The following SPG21 variants were observed in gnomAD, a reference collection of about 807,000 sequenced individuals.
The protein encoded by SPG21 is SPG21 abhydrolase domain containing, maspardin, also known as maspardin.
Under a neutral mutation model 38.9 loss-of-function variants are expected in SPG21, and 26 were observed. The observed-to-expected ratio is 0.67, with a 90% CI of 0.49 to 0.93. The LOEUF (loss-of-function observed/expected upper bound fraction) is 0.93, where lower values mean the gene tolerates loss of function less well. SPG21 is among the 40% of genes least tolerant of loss of function. The pLI, the probability that SPG21 is intolerant of heterozygous loss-of-function variation, is 0.00. For missense variants in SPG21, 333 were observed against 376.5 expected, an observed-to-expected ratio of 0.88 and a Z score of 0.96; for synonymous variants, 136 against 128.9, an observed-to-expected ratio of 1.05 and a Z score of -0.37.
At chr15:64,970,728 TTTTA>T (rs1441362777) in intron 5 of SPG21, among the ~76,000 whole-genome samples, 1 of 152,194 alleles carries the variant, frequency 6.6e-6, no homozygotes, top group East Asian at 1.9e-4. Flanking sequence ...TAGATTTATT[TTTTA>T]AATTTATTAT....
At position 64,967,381 on chromosome 15, in the gene SPG21, G is replaced by T. The variant is rs973798112; in HGVS notation, c.669+1874C>A. On this transcript the variant is annotated intron_variant, in intron 7 of 8. Transcript: ENST00000204566. ...GGCTGGAACGCAGTGGCATGATCAT[G>T]GCTCACCCCAGGCTCAGGTGATCCT... 2.0e-5 allele frequency among the ~76,000 whole-genome samples: 3 copies of T among 152,018 alleles called. No homozygotes were observed. In the South Asian group the frequency reaches 6.2e-4, roughly 32 times the overall value.
chr15:64,986,026 T>C (rs72742785), intron 1 of SPG21, among the ~76,000 whole-genome samples: 4,165 of 152,250 alleles, frequency 0.027, 104 homozygotes, highest in South Asian at 0.13. Context: ...CACAGATATA[T>C]ATAGTGAAAT....
At chr15:64,970,955 G>A (rs979303634) in intron 5 of SPG21, among the ~76,000 whole-genome samples, 1 of 152,076 alleles carries the variant, frequency 6.6e-6, no homozygotes, top group African/African-American at 2.4e-5. Context: ...GGCCAGACTG[G>A]TGGTGAACTC....
chr15:64,979,400 C>T (rs1014297703), intron 3 of SPG21, among the ~76,000 whole-genome samples: 1 of 152,104 alleles, frequency 6.6e-6, no homozygotes, highest in Non-Finnish European at 1.5e-5. Context: ...CCACCCTGTT[C>T]TAGAATGCTG....
rs981521621 is a variant in SPG21, at chr15:64,983,578, G to C, written c.-9C>G. 5.1e-6 allele frequency: 8 copies of C among 1,561,556 alleles called. No homozygotes were observed. The highest frequency in any genetic ancestry group is 3.5e-6 in the Non-Finnish European group (4 of 1,147,054). Reference sequence around the variant, plus strand: ...ACTTTAATCTCTCCCATGATTAGCTGAAATGGAGGTTAATCCTGAAATAAA... The same window carrying C: ...ACTTTAATCTCTCCCATGATTAGCTCAAATGGAGGTTAATCCTGAAATAAA... On this transcript the variant is annotated 5_prime_UTR_variant, in exon 2 of 9. Coordinates refer to ENST00000204566, the MANE Select transcript of SPG21 (RefSeq NM_016630.7).
At chr15:64,982,504 A>G (rs1436682003) in intron 2 of SPG21, among the ~76,000 whole-genome samples, 1 of 151,846 alleles carries the variant, frequency 6.6e-6, no homozygotes. Context: ...CTGGTCTCAA[A>G]CTCCTGGCCT....
intron 3 of SPG21, among the ~76,000 whole-genome samples, chr15:64,978,285 T>TA (rs1190779906): frequency 6.6e-6 from 1 of 151,566 alleles, no homozygotes. Context: ...CCATCTCTAC[T>TA]AAAAAATACA....
intron 4 of SPG21, 78 bp from the exon 5 acceptor site, chr15:64,974,825 T>A: frequency 6.6e-7 from 1 of 1,514,734 alleles, no homozygotes. Context: ...TTGCTTCAAT[T>A]ATCACTAACC....
chr15:64,974,474 C>CA (rs748818583), intron 5 of SPG21, 128 bp downstream of exon 5: 1,119 of 1,100,514 alleles, frequency 1.0e-3, no homozygotes, highest in Middle Eastern at 1.4e-3. Flanking sequence ...GACTCTGTCT[C>CA]AAAAAAAAAG....
intron 4 of SPG21, 135 bp from the exon 5 acceptor site, chr15:64,974,882 C>T: frequency 1.0e-6 from 1 of 987,522 alleles, no homozygotes; most frequent in Non-Finnish European, 1.5e-6. Context: ...TTTACAGCAG[C>T]TAGAAATTTA....
Position 64,989,682 on chromosome 15 carries a change from A to G in SPG21, c.-42T>C. ...ACCCTCACCTGCCGTGGCCGCCCCC[A>G]CGTCCCTTCCCCTCCTTCAGGAGGC... On this transcript the variant is annotated 5_prime_UTR_variant, in exon 1 of 9. Transcript: ENST00000204566. 6.5e-6 allele frequency: 1 copy of G among 152,778 alleles called. No individual in the cohort carries two copies. The highest frequency in any genetic ancestry group is 1.5e-5 in the Non-Finnish European group (1 of 68,400). The allele number at this position is 152,778 out of a possible 1,614,324, so 9.5% of individuals were successfully genotyped here.
intron 3 of SPG21, 143 bp downstream of exon 3, chr15:64,980,719 CAG>C: frequency 9.9e-7 from 1 of 1,005,978 alleles, no homozygotes; most frequent in Non-Finnish European, 1.5e-6. Flanking sequence ...GCCCGGGCGA[CAG>C]AGTGAGAATC....
intron 1 of SPG21, among the ~76,000 whole-genome samples, chr15:64,985,641 A>G (rs2085976241): frequency 6.6e-6 from 1 of 152,184 alleles, no homozygotes; most frequent in Admixed American, 6.6e-5. Flanking sequence ...GGCTAACACG[A>G]GGTGAGATTC....
intron 3 of SPG21, among the ~76,000 whole-genome samples, chr15:64,978,392 G>A (rs2085826023): frequency 6.6e-6 from 1 of 151,918 alleles, no homozygotes; most frequent in South Asian, 2.1e-4. Flanking sequence ...GAGGTTGCAT[G>A]AGCCGAGATC....
intron 3 of SPG21, among the ~76,000 whole-genome samples, chr15:64,977,484 C>T (rs1043226356): frequency 3.3e-5 from 5 of 151,932 alleles, no homozygotes; most frequent in South Asian, 2.1e-4. Flanking sequence ...CTCAGCCCCC[C>T]GGTAGCTGGA....
intron 3 of SPG21, among the ~76,000 whole-genome samples, chr15:64,978,404 T>C (rs2085826199): frequency 1.3e-5 from 2 of 152,084 alleles, no homozygotes; most frequent in South Asian, 4.1e-4. Context: ...GCCGAGATCA[T>C]ACTACTGCAC....
At chr15:64,978,809 T>C (rs2085832296) in intron 3 of SPG21, among the ~76,000 whole-genome samples, 1 of 152,066 alleles carries the variant, frequency 6.6e-6, no homozygotes. Flanking sequence ...TACAAACAAA[T>C]GAGTTCAAGC....
chr15:64,985,663 C>T (rs2085977185), intron 1 of SPG21, among the ~76,000 whole-genome samples: 1 of 152,202 alleles, frequency 6.6e-6, no homozygotes, highest in Admixed American at 6.5e-5. Flanking sequence ...TGAGACCTAA[C>T]TCCCGGGCTG....
intron 5 of SPG21, among the ~76,000 whole-genome samples, chr15:64,971,889 C>G (rs185976055): frequency 2.6e-5 from 4 of 152,258 alleles, no homozygotes; most frequent in African/African-American, 9.6e-5. Flanking sequence ...CCAGGCTGGT[C>G]TAGAACTCCT....
Sources: allele counts gnomAD v4.1 joint callset (sites outside exome capture counted in the v4.1 genomes callset), GRCh38; gene constraint gnomAD v4.1.1; transcripts MANE v1.5; gene names NCBI Gene and HGNC (gene_info 2026-07-23, HGNC 2026-07-21).